The following ADIPOR2 variants were observed in gnomAD, a reference collection of about 807,000 sequenced individuals.
ADIPOR2 encodes the protein adiponectin receptor 2.
A neutral mutation model predicts 40.9 loss-of-function variants in ADIPOR2; 18 were observed. The observed-to-expected ratio is 0.44, with a 90% CI of 0.30 to 0.65. The LOEUF is 0.65. Among genes scored for constraint, ADIPOR2 ranks in the 30% least tolerant of loss-of-function variants. The pLI, the probability that ADIPOR2 is intolerant of heterozygous loss-of-function variation, is 0.09. For synonymous variants in ADIPOR2, 165 were observed against 166.4 expected (o/e 0.99, Z 0.06); for missense variants, 283 against 479.2 (o/e 0.59, Z 3.82).
chr12:1,768,102 A>G (rs146323461), intron 2 of ADIPOR2, among the ~76,000 whole-genome samples: 1,530 of 152,308 alleles, frequency 0.01, 19 homozygotes, highest in African/African-American at 0.027. Flanking sequence ...TCTCAATGAC[A>G]TTTATAAAGG....
chr12:1,728,716 T>C (rs1228811189), intron 1 of ADIPOR2, among the ~76,000 whole-genome samples: 4 of 151,754 alleles, frequency 2.6e-5, no homozygotes, highest in Non-Finnish European at 5.9e-5. Context: ...AGGGCAAGAC[T>C]CCGTCTTAAA....
rs190245626 is a variant in ADIPOR2, at chr12:1,747,532, G to A, written c.-86-6726G>A. ...CTTTTTTGTTGGGCGGTGGTGGGTG[G>A]TACGTGGATTTGAATTGCTGTTTGA... On this transcript the variant is annotated intron_variant, in intron 1 of 7. Coordinates refer to ENST00000357103, the MANE Select transcript of ADIPOR2 (RefSeq NM_024551.3). 1.8e-3 allele frequency among the ~76,000 whole-genome samples: 267 copies of A among 152,264 alleles called. 3 individuals are homozygous for A. The highest frequency in any genetic ancestry group is 6.1e-3 in the African/African-American group (253 of 41,554).
chr12:1,745,827 T>C (rs2094753809), intron 1 of ADIPOR2, among the ~76,000 whole-genome samples: 1 of 152,178 alleles, frequency 6.6e-6, no homozygotes, highest in South Asian at 2.1e-4. Context: ...AAACTACATC[T>C]TGTTCAGATG....
At chr12:1,695,154 TACAG>T (rs1266101608) in intron 1 of ADIPOR2, among the ~76,000 whole-genome samples, 1 of 152,042 alleles carries the variant, frequency 6.6e-6, no homozygotes, top group Non-Finnish European at 1.5e-5. Context: ...GTGTTAGGGT[TACAG>T]ACATGAGCCA....
rs1187537527 is a variant in ADIPOR2, at chr12:1,757,526, A to C, written c.171+3012A>C. On this transcript the variant is annotated intron_variant, in intron 2 of 7. Coordinates refer to ENST00000357103, the MANE Select transcript of ADIPOR2 (RefSeq NM_024551.3). ...ACTTGATGAAATTGGTAATCTTGCC[A>C]ATCTCCAAATCTGTCTGAATGGTAT... The C allele has an allele frequency of 3.7e-6, 3 of 809,064 alleles. No homozygotes were observed. In the African/African-American group the frequency reaches 5.0e-5, roughly 14 times the overall value. The allele number at this position is 809,064 out of a possible 1,614,324, so 50.1% of individuals were successfully genotyped here.
chr12:1,769,686 C>T (rs1430332014), intron 2 of ADIPOR2, among the ~76,000 whole-genome samples: 1 of 151,860 alleles, frequency 6.6e-6, no homozygotes, highest in Non-Finnish European at 1.5e-5. Flanking sequence ...GGATTACAGG[C>T]GCTCGCCACC....
intron 1 of ADIPOR2, among the ~76,000 whole-genome samples, chr12:1,704,681 C>T (rs1373908537): frequency 1.3e-5 from 2 of 152,132 alleles, no homozygotes; most frequent in Non-Finnish European, 2.9e-5. Flanking sequence ...GTTGTCTTAA[C>T]TTTCTAAGAT....
intron 1 of ADIPOR2, among the ~76,000 whole-genome samples, chr12:1,720,816 A>G (rs1156792284): frequency 1.3e-5 from 2 of 152,200 alleles, no homozygotes; most frequent in Non-Finnish European, 2.9e-5. Flanking sequence ...TGGGGCCCTC[A>G]ATCCCTAAAC....
At chr12:1,757,689 A>G in intron 2 of ADIPOR2, 1 of 1,314,736 alleles carries the variant, frequency 7.6e-7, no homozygotes, top group Non-Finnish European at 1.1e-6. Flanking sequence ...GATGTACAGC[A>G]AAGCGACCCT....
intron 1 of ADIPOR2, among the ~76,000 whole-genome samples, chr12:1,698,410 C>T (rs981608090): frequency 4.6e-5 from 7 of 152,022 alleles, no homozygotes; most frequent in African/African-American, 7.3e-5. Context: ...TTAATGGAGA[C>T]GAGGTTTTGC....
chr12:1,768,500 GT>G (rs1260692581), intron 2 of ADIPOR2, among the ~76,000 whole-genome samples: 1 of 152,072 alleles, frequency 6.6e-6, no homozygotes, highest in African/African-American at 2.4e-5. Flanking sequence ...TAGATTGTAA[GT>G]CCATGGAAGA....
At chr12:1,728,567 A>T (rs2094712731) in intron 1 of ADIPOR2, among the ~76,000 whole-genome samples, 1 of 151,792 alleles carries the variant, frequency 6.6e-6, no homozygotes, top group Non-Finnish European at 1.5e-5. Flanking sequence ...TACTAAAGAT[A>T]CAAAAAATTA....
At chr12:1,744,875 A>C (rs1269379468) in intron 1 of ADIPOR2, among the ~76,000 whole-genome samples, 1 of 152,238 alleles carries the variant, frequency 6.6e-6, no homozygotes. Context: ...AAATTTTGTA[A>C]GCAATAATGC....
At chr12:1,781,160 A>T in intron 6 of ADIPOR2, 84 bp downstream of exon 6, 1 of 1,374,680 alleles carries the variant, frequency 7.3e-7, no homozygotes, top group African/African-American at 1.5e-5. Context: ...ACCATTTGCC[A>T]AACATTATGC....
chr12:1,706,611 ATAATT>A (rs1341988150), intron 1 of ADIPOR2, among the ~76,000 whole-genome samples: 4 of 152,228 alleles, frequency 2.6e-5, no homozygotes, highest in Non-Finnish European at 4.4e-5. Flanking sequence ...TTATTGAAAT[ATAATT>A]TAAACAATGA....
At chr12:1,747,800 G>A (rs928353736) in intron 1 of ADIPOR2, among the ~76,000 whole-genome samples, 1 of 151,892 alleles carries the variant, frequency 6.6e-6, no homozygotes, top group African/African-American at 2.4e-5. Context: ...TAATCTTACT[G>A]GGTTCCATTT....
At chr12:1,773,654 TA>T (rs1242030069) in intron 3 of ADIPOR2, among the ~76,000 whole-genome samples, 1 of 152,056 alleles carries the variant, frequency 6.6e-6, no homozygotes, top group Non-Finnish European at 1.5e-5. Flanking sequence ...CTAATTAATG[TA>T]AGTCGATCAG....
intron 2 of ADIPOR2, chr12:1,761,043 T>A (rs1293065213): frequency 6.6e-6 from 1 of 152,224 alleles, no homozygotes; most frequent in Non-Finnish European, 1.5e-5. Flanking sequence ...AACTTTTTTT[T>A]ACAGTATATT....
intron 1 of ADIPOR2, among the ~76,000 whole-genome samples, chr12:1,738,727 T>C (rs992169311): frequency 6.6e-6 from 1 of 152,186 alleles, no homozygotes; most frequent in Non-Finnish European, 1.5e-5. Context: ...CACACATATT[T>C]ATTAAAGGAG....
Sources: allele counts gnomAD v4.1 joint callset (sites outside exome capture counted in the v4.1 genomes callset), GRCh38; gene constraint gnomAD v4.1.1; transcripts MANE v1.5; gene names NCBI Gene and HGNC (gene_info 2026-07-23, HGNC 2026-07-21).